The following NBPF26 variants were observed in gnomAD, a reference collection of about 807,000 sequenced individuals.
The protein encoded by NBPF26 is NBPF member 26.
A neutral mutation model predicts 119.6 loss-of-function variants in NBPF26; 79 were observed. The observed-to-expected ratio is 0.66, with a 90% CI of 0.55 to 0.80. The LOEUF is 0.80. Ranked by LOEUF, NBPF26 falls within the 30% of genes least tolerant of loss-of-function variation. The pLI, the probability that NBPF26 is intolerant of heterozygous loss-of-function variation, is 0.00. For synonymous variants in NBPF26, 299 were observed against 457.7 expected (o/e 0.65, Z 4.43); for missense variants, 800 against 1,198.2 (o/e 0.67, Z 4.91).
rs1484537933 is a variant in NBPF26 at position 120,777,645 on chromosome 1, T to A, written c.156-7329T>A. 8.4e-5 allele frequency among the ~76,000 whole-genome samples: 2 copies of A among 23,736 alleles called. 1 individual carries two copies. Among genetic ancestry groups the A allele is most frequent in the East Asian group, 2.4e-3 (2 of 828 alleles). 15.6% of individuals were successfully genotyped at this position (23,736 alleles called of 152,430 possible). On this transcript the variant is annotated intron_variant, in intron 2 of 29. Transcript: ENST00000620612. ...TTCTTGCTGAGTAAGCTATAGTATT[T>A]CCTTTTTTTCTTTCTTTTTTTTTTG...
At position 120,764,297 on chromosome 1, in the gene NBPF26, G is replaced by GT. The variant is rs2101411004; in HGVS notation, c.155+593dup. Among the ~76,000 whole-genome samples the GT allele has an allele frequency of 2.8e-5, 3 of 105,938 alleles. 1 individual carries two copies. Among genetic ancestry groups the GT allele is most frequent in the African/African-American group, 1.7e-4 (3 of 17,174 alleles). The allele number at this position is 105,938 out of a possible 152,430, so 69.5% of individuals were successfully genotyped here. On this transcript the variant is annotated intron_variant, in intron 2 of 29. Coordinates refer to ENST00000620612, the Ensembl canonical transcript of NBPF26. ...AAAAATATATATTAGATTCCCTTGT[G>GT]TTTTTCAGATTAAGGCATACTCTTA...
chr1:120,727,490 A>G lies in NBPF26; in HGVS notation c.73+3240A>G, dbSNP rs1312247758. On this transcript the variant is annotated intron_variant, in intron 1 of 29. Coordinates refer to ENST00000620612, the Ensembl canonical transcript of NBPF26. ...AGTATGTCTGCATTGACCCTTTAGAAGGGCTTCATATATTTAGATGATATA... is the reference window on the plus strand; with the variant it reads ...AGTATGTCTGCATTGACCCTTTAGAGGGGCTTCATATATTTAGATGATATA... Among the ~76,000 whole-genome samples, 2 of 109,848 alleles carry G rather than the reference A, an allele frequency of 1.8e-5. 1 individual carries two copies. Among genetic ancestry groups the G allele is most frequent in the Non-Finnish European group, 3.4e-5 (2 of 58,494 alleles). 72.1% of individuals were successfully genotyped at this position (109,848 alleles called of 152,430 possible). A position where few individuals can be genotyped will look rare whatever the true frequency, so the allele number is the denominator to read the frequency against.
chr1:120,791,343 C>A (rs1297517630), intron 3 of NBPF26, among the ~76,000 whole-genome samples: 1 of 99,640 alleles, frequency 1.0e-5, no homozygotes, highest in African/African-American at 6.9e-5. Context: ...AAGACACATG[C>A]ACACGTATGT....
At chr1:120,833,434 C>T (rs1397306863) in intron 23 of NBPF26, among the ~76,000 whole-genome samples, 169 bp from the exon 28 acceptor site, 1 of 97,994 alleles carries the variant, frequency 1.0e-5, no homozygotes, top group Non-Finnish European at 1.8e-5. Flanking sequence ...TCATTGTTTT[C>T]TACCTGGCCC....
At chr1:120,770,499 CT>C (rs1467162519) in intron 2 of NBPF26, among the ~76,000 whole-genome samples, 1 of 115,356 alleles carries the variant, frequency 8.7e-6, no homozygotes, top group Non-Finnish European at 1.6e-5. Flanking sequence ...GCCAGATAGA[CT>C]TAAGTTTGAG....
chr1:120,793,446 G>A lies in NBPF26; in HGVS notation c.701G>A (p.Gly234Asp). Reference sequence around the variant, plus strand: ...GCACACTCGCCTTGTGTCAATGGAGGCACCTGTCGGCAGACTGGTGACTTC... The same window carrying A: ...GCACACTCGCCTTGTGTCAATGGAGACACCTGTCGGCAGACTGGTGACTTC... The change falls in exon 4 of 30, where the codon GGC becomes GAC. Residue 234 changes from glycine to aspartate, a missense_variant. Gly to Asp is a moderately conservative substitution (Grantham distance 94). Coordinates refer to ENST00000620612, the Ensembl canonical transcript of NBPF26. The A allele has an allele frequency of 1.0e-5, 15 of 1,438,830 alleles. 4 individuals are homozygous for A. The highest frequency in any genetic ancestry group is 1.4e-5 in the Non-Finnish European group (15 of 1,076,718). 89.1% of individuals were successfully genotyped at this position (1,438,830 alleles called of 1,614,324 possible).
intron 4 of NBPF26, among the ~76,000 whole-genome samples, chr1:120,794,167 T>C (rs1343027875): frequency 0.011 from 1,282 of 115,650 alleles, 322 homozygotes; most frequent in Non-Finnish European, 0.015. Context: ...CAATACTTTG[T>C]TACACTCTTC....
chr1:120,785,075 G>A, exon 3 of NBPF26: 1 of 1,446,066 alleles, frequency 6.9e-7, no homozygotes, highest in South Asian at 1.2e-5. Context: ...GCCATGCTGG[G>A]GAAAGCCACG....
At chr1:120,745,248 CA>C (rs1650968985) in intron 1 of NBPF26, among the ~76,000 whole-genome samples, 2 of 107,356 alleles carry the variant, frequency 1.9e-5, no homozygotes, top group South Asian at 5.3e-4. Context: ...ACGAATGGGT[CA>C]TGAAACCAAT....
Position 120,758,655 on chromosome 1 carries a change from A to C in NBPF26, c.74-4973A>C, listed in dbSNP as rs1466498821. ...AAACAGCTGAGTAGTTTACTCTCCT[A>C]CTTAGAGCTGTGATTCTTATCATGG... On this transcript the variant is annotated intron_variant, in intron 1 of 29. Coordinates refer to ENST00000620612, the Ensembl canonical transcript of NBPF26. Among the ~76,000 whole-genome samples the C allele has an allele frequency of 3.5e-5, 3 of 86,762 alleles. 1 individual carries two copies. Among genetic ancestry groups the C allele is most frequent in the African/African-American group, 1.8e-4 (2 of 11,326 alleles). 56.9% of individuals were successfully genotyped at this position (86,762 alleles called of 152,430 possible).
intron 1 of NBPF26, among the ~76,000 whole-genome samples, chr1:120,727,828 A>T (rs1181686234): frequency 0.016 from 1,844 of 116,542 alleles, 404 homozygotes; most frequent in South Asian, 0.035. Context: ...TCTGCAAATG[A>T]CTTGAAACCA....
intron 18 of NBPF26, among the ~76,000 whole-genome samples, chr1:120,825,164 C>T (rs1266927578): frequency 8.3e-6 from 1 of 120,888 alleles, no homozygotes; most frequent in Non-Finnish European, 1.6e-5. Context: ...GAATCTTGAG[C>T]AAGTTTATGG....
chr1:120,764,592 AT>A (rs1301893818), intron 2 of NBPF26, among the ~76,000 whole-genome samples: 1 of 107,552 alleles, frequency 9.3e-6, no homozygotes, highest in East Asian at 2.2e-4. Context: ...GCTTAAGAGC[AT>A]TTTTTTTTTC....
At chr1:120,833,739 GAGCAAC>G (rs1652418566) in exon 24 of NBPF26, 1 of 735,238 alleles carries the variant, frequency 1.4e-6, no homozygotes, top group African/African-American at 4.0e-5. Flanking sequence ...TTACATATTG[GAGCAAC>G]AGCGTGTTGG....
intron 5 of NBPF26, among the ~76,000 whole-genome samples, 170 bp downstream of exon 5, chr1:120,805,935 A>G (rs1436701104): frequency 0.8 from 86,884 of 108,262 alleles, 38,672 homozygotes; most frequent in African/African-American, 0.9. Context: ...AGGTACCAAA[A>G]TATTTAGCAA....
Position 120,805,629 on chromosome 1 carries a change from A to G in NBPF26, c.825A>G (p.Ala275=). 9 of 1,462,968 alleles carry G rather than the reference A, an allele frequency of 6.2e-6. 2 individuals are homozygous for G. In the South Asian group the frequency reaches 7.1e-5, roughly 12 times the overall value. 90.6% of individuals were successfully genotyped at this position (1,462,968 alleles called of 1,614,324 possible). Residue 275 remains alanine (A), a synonymous_variant, in exon 5 of 30, where the codon GCA becomes GCG. Coordinates refer to ENST00000620612, the Ensembl canonical transcript of NBPF26. ...CCGGCCATTGGTCCAGTGAGAAGGC[A>G]GAGATGAACATTCTAGAAATCAACG...
rs1372523001 is a variant in NBPF26 at position 120,807,571 on chromosome 1, C to A, written c.962-36C>A. 65 of 1,415,030 alleles carry A rather than the reference C, an allele frequency of 4.6e-5. 5 individuals carry two copies. The highest frequency in any genetic ancestry group is 2.5e-4 in the Middle Eastern group (1 of 4,072). The allele number at this position is 1,415,030 out of a possible 1,614,324, so 87.7% of individuals were successfully genotyped here. A position where few individuals can be genotyped will look rare whatever the true frequency, so the allele number is the denominator to read the frequency against. ...GCAATGACCACAGCAGCATGTCCAG[C>A]CTTCCACTGAGGCAGGTGTGTCTGT... is the stretch of plus-strand genomic sequence containing the variant. On this transcript the variant is annotated intron_variant, in intron 5 of 29. Coordinates refer to ENST00000620612, the Ensembl canonical transcript of NBPF26.
Position 120,809,817 on chromosome 1 carries a change from A to T in NBPF26, c.1286A>T (p.Asp429Val), listed in dbSNP as rs1448795994. Reference sequence around the variant, plus strand: ...GAACATTTTGTATTTATAGAAAATGACGAAGATGAGGATGAAGATGTTCAA... The same window carrying T: ...GAACATTTTGTATTTATAGAAAATGTCGAAGATGAGGATGAAGATGTTCAA... Residue 429 changes from aspartate (D) to valine (V), a missense_variant, in exon 8 of 30, where the codon GAC (aspartate) becomes GTC (valine). By Grantham distance (152) the Asp-to-Val change is radical. This residue lies in a region of NBPF26 where 33 missense variants were observed against 188.8 expected (regional missense o/e 0.17). Coordinates refer to ENST00000620612, the Ensembl canonical transcript of NBPF26. The T allele has an allele frequency of 1.4e-4, 207 of 1,525,782 alleles. 1 individual carries two copies. Among genetic ancestry groups the T allele is most frequent in the East Asian group, 9.0e-5 (4 of 44,342 alleles). 94.5% of individuals were successfully genotyped at this position (1,525,782 alleles called of 1,614,324 possible).
chr1:120,823,772 G>GTGTGTGTGTC (rs1652187980), intron 17 of NBPF26, among the ~76,000 whole-genome samples: 1 of 113,032 alleles, frequency 8.8e-6, no homozygotes, highest in Non-Finnish European at 1.7e-5. Flanking sequence ...GTGTGTGTGT[G>GTGTGTGTGTC]TGTGTGTGTG....
Sources: allele counts gnomAD v4.1 joint callset (sites outside exome capture counted in the v4.1 genomes callset), GRCh38; gene constraint gnomAD v4.1.1; regional missense constraint gnomAD v4.1.1; transcripts MANE v1.5; gene names NCBI Gene and HGNC (gene_info 2026-07-23, HGNC 2026-07-21).